Variants in PGCKA1 observed in about 807,000 individuals in gnomAD.
PGCKA1 encodes the protein PDCD10 and GCKIII kinases associated 1.
At chr4:37,517,140 A>G in the PGCKA1 span, among the ~76,000 whole-genome samples, 2 of 151,904 alleles carry the variant, frequency 1.3e-5, no homozygotes, top group African/African-American at 4.8e-5. Flanking sequence ...AATCCCAGCT[A>G]TTCAGGAGGC....
chr4:37,519,781 T>C, the PGCKA1 span, among the ~76,000 whole-genome samples: 3 of 152,208 alleles, frequency 2.0e-5, no homozygotes, highest in Non-Finnish European at 2.9e-5. Context: ...TGGCTCTAGC[T>C]AGGACTTCCA....
At chr4:37,530,176 C>T in the PGCKA1 span, among the ~76,000 whole-genome samples, 1 of 152,182 alleles carries the variant, frequency 6.6e-6, no homozygotes, top group African/African-American at 2.4e-5. Context: ...TAATAGACAA[C>T]CTGTGATTCC....
the PGCKA1 span, among the ~76,000 whole-genome samples, chr4:37,570,220 G>A: frequency 7.4e-6 from 1 of 135,262 alleles, no homozygotes; most frequent in East Asian, 2.2e-4. Context: ...GGATGGTCTC[G>A]ATCTCCTGAC....
chr4:37,463,731 TTTC>T, the PGCKA1 span, among the ~76,000 whole-genome samples: 2 of 152,046 alleles, frequency 1.3e-5, no homozygotes, highest in Admixed American at 1.3e-4. Flanking sequence ...AGAGAGTTGT[TTTC>T]TTAATACCCT....
chr4:37,515,909 A>G, the PGCKA1 span, among the ~76,000 whole-genome samples: 1 of 152,238 alleles, frequency 6.6e-6, no homozygotes, highest in African/African-American at 2.4e-5. Flanking sequence ...CTGAGTCAAA[A>G]TCTTAACATA....
the PGCKA1 span, among the ~76,000 whole-genome samples, chr4:37,482,351 T>G: frequency 6.6e-6 from 1 of 152,124 alleles, no homozygotes; most frequent in Non-Finnish European, 1.5e-5. Flanking sequence ...CAGGCCGAGG[T>G]GGTTTCCAAT....
At chr4:37,584,825 CTT>C in the PGCKA1 span, among the ~76,000 whole-genome samples, 1,928 of 152,120 alleles carry the variant, frequency 0.013, 28 homozygotes, top group South Asian at 0.038. Context: ...TTTCCTCCCT[CTT>C]TTCTTTCCTC....
chr4:37,537,644 T>G, the PGCKA1 span, among the ~76,000 whole-genome samples: 1 of 152,156 alleles, frequency 6.6e-6, no homozygotes, highest in African/African-American at 2.4e-5. Flanking sequence ...GAGCCTACAT[T>G]TGAGTTCTCT....
the PGCKA1 span, among the ~76,000 whole-genome samples, chr4:37,485,477 A>G: frequency 6.6e-6 from 1 of 152,108 alleles, no homozygotes; most frequent in Non-Finnish European, 1.5e-5. Context: ...CCCCCATGGA[A>G]TGACACAGCA....
the PGCKA1 span, among the ~76,000 whole-genome samples, chr4:37,520,984 CA>C: frequency 1.3e-5 from 2 of 152,038 alleles, no homozygotes; most frequent in Non-Finnish European, 2.9e-5. Flanking sequence ...TAAAGGTTTG[CA>C]AATTTTGTTT....
At chr4:37,485,679 G>A in the PGCKA1 span, among the ~76,000 whole-genome samples, 1 of 151,954 alleles carries the variant, frequency 6.6e-6, no homozygotes, top group Non-Finnish European at 1.5e-5. Flanking sequence ...TCTGCATACT[G>A]CTTTTTGGAA....
chr4:37,556,385 C>T, the PGCKA1 span, among the ~76,000 whole-genome samples: 100 of 151,978 alleles, frequency 6.6e-4, no homozygotes, highest in East Asian at 0.014. Context: ...CTCCTGCCTC[C>T]GCCTCCTGTG....
At chr4:37,559,485 C>T in the PGCKA1 span, among the ~76,000 whole-genome samples, 1 of 150,270 alleles carries the variant, frequency 6.7e-6, no homozygotes, top group African/African-American at 2.5e-5. Context: ...AGGAGATATA[C>T]CTAATGCTAA....
At chr4:37,482,348 A>C in the PGCKA1 span, among the ~76,000 whole-genome samples, 1 of 152,176 alleles carries the variant, frequency 6.6e-6, no homozygotes, top group Admixed American at 6.5e-5. Flanking sequence ...GTCCAGGCCG[A>C]GGTGGTTTCC....
the PGCKA1 span, among the ~76,000 whole-genome samples, chr4:37,488,990 G>T: frequency 6.6e-6 from 1 of 152,148 alleles, no homozygotes; most frequent in African/African-American, 2.4e-5. Flanking sequence ...CCAAAGGCCA[G>T]CTTCTCCTAA....
At chr4:37,479,036 A>T in the PGCKA1 span, among the ~76,000 whole-genome samples, 1 of 152,214 alleles carries the variant, frequency 6.6e-6, no homozygotes. Context: ...TTAAAATCAG[A>T]ATTACACTGT....
the PGCKA1 span, among the ~76,000 whole-genome samples, chr4:37,455,618 T>C: frequency 2.0e-5 from 3 of 152,352 alleles, no homozygotes; most frequent in South Asian, 2.1e-4. Flanking sequence ...CAATCTTTCC[T>C]GTGTTTCAAA....
the PGCKA1 span, among the ~76,000 whole-genome samples, chr4:37,585,940 C>G: frequency 6.6e-6 from 1 of 151,652 alleles, no homozygotes; most frequent in Admixed American, 6.6e-5. Context: ...ATTCCAGAAA[C>G]AAGTCCTACT....
chr4:37,469,994 A>G, the PGCKA1 span, among the ~76,000 whole-genome samples: 1 of 152,250 alleles, frequency 6.6e-6, no homozygotes, highest in Non-Finnish European at 1.5e-5. Flanking sequence ...GTTTGTATGC[A>G]TAAACATTGG....
Sources: gnomAD v4.1 joint callset for allele counts (sites outside exome capture counted in the v4.1 genomes callset) on GRCh38, gnomAD v4.1.1 for gene constraint, MANE v1.5 for transcripts, NCBI Gene and HGNC (gene_info 2026-07-23, HGNC 2026-07-21) for gene names.